Variants in C10orf90 observed in about 807,000 individuals in gnomAD.
C10orf90 encodes the protein chromosome 10 open reading frame 90.
A neutral mutation model predicts 62.5 loss-of-function variants in C10orf90; 56 were observed. The observed-to-expected ratio is 0.90, with a 90% CI of 0.72 to 1.12. C10orf90 has a LOEUF of 1.12. Ranked by LOEUF, C10orf90 falls within the 50% of genes most tolerant of loss-of-function variation. The pLI is 0.00. For missense variants in C10orf90, 970 were observed against 880.4 expected, an observed-to-expected ratio of 1.10 and a Z score of -1.29; for synonymous variants, 386 against 340.4, an observed-to-expected ratio of 1.13 and a Z score of -1.47.
Position 126,564,830 on chromosome 10 carries a change from C to CTA in C10orf90, c.314-50892_314-50891insTA, listed in dbSNP as rs1336850802. ...CAAGTTTAGGAATAAGACTCTCTCT[C>CTA]TCTATATATATATTATATATTATAT... On this transcript the variant is annotated intron_variant, in intron 2 of 9. Coordinates refer to ENST00000488181, the MANE Select transcript of C10orf90 (RefSeq NM_001350921.2). Among the ~76,000 whole-genome samples the CTA allele has an allele frequency of 1.4e-3, 8 of 5,544 alleles. 1 individual carries two copies. Among genetic ancestry groups the CTA allele is most frequent in the African/African-American group, 2.9e-3 (7 of 2,378 alleles). 3.6% of individuals were successfully genotyped at this position (5,544 alleles called of 152,430 possible).
intron 4 of C10orf90, 83 bp downstream of exon 4, chr10:126,503,874 T>A: frequency 6.7e-7 from 1 of 1,494,038 alleles, no homozygotes; most frequent in South Asian, 1.3e-5. Context: ...TTAGAATAAG[T>A]TTTGTATAAG....
intron 7 of C10orf90, among the ~76,000 whole-genome samples, chr10:126,444,017 C>T (rs542235255): frequency 7.2e-5 from 11 of 152,110 alleles, no homozygotes; most frequent in South Asian, 4.1e-4. Context: ...ATACAAGGGA[C>T]ATAACTCAAT....
chr10:126,510,790 A>G (rs1348848178), intron 3 of C10orf90, among the ~76,000 whole-genome samples: 3 of 152,198 alleles, frequency 2.0e-5, no homozygotes, highest in Admixed American at 6.5e-5. Flanking sequence ...CTTTATATTT[A>G]TGCCTTGAGG....
In C10orf90 at chr10:126,541,306, A is replaced by G. The variant is rs575254173; in HGVS notation, c.314-27367T>C. 5.9e-5 allele frequency among the ~76,000 whole-genome samples: 9 copies of G among 152,332 alleles called. No individual in the cohort carries two copies. The South Asian group carries it at 1.9e-3, about 32-fold the overall frequency. ...GGATAATATATACTAAAAAGATGCT[A>G]GAGCTCTTTAGCAATTGGATAAATA... On this transcript the variant is annotated intron_variant, in intron 2 of 9. Transcript: ENST00000488181.
In C10orf90 at chr10:126,655,087, G is replaced by C. The variant is rs1446513981; in HGVS notation, c.241-8450C>G. Among the ~76,000 whole-genome samples, 5 of 152,168 alleles carry C rather than the reference G, an allele frequency of 3.3e-5. No homozygotes were observed. The East Asian group carries it at 9.6e-4, about 29-fold the overall frequency. ...TGTAATCCCAGCACTTTGGGAGACT[G>C]AGGCAGGTGGATCATGAGGTCAGGA... On this transcript the variant is annotated intron_variant, in intron 1 of 9. Coordinates refer to ENST00000488181, the MANE Select transcript of C10orf90 (RefSeq NM_001350921.2).
intron 2 of C10orf90, among the ~76,000 whole-genome samples, chr10:126,588,725 G>A (rs1223675367): frequency 2.6e-5 from 4 of 152,164 alleles, no homozygotes; most frequent in African/African-American, 4.8e-5. Context: ...AAGATGAAAG[G>A]TATGTAAGCC....
At chr10:126,455,003 C>T (rs576241650) in intron 7 of C10orf90, among the ~76,000 whole-genome samples, 1 of 152,122 alleles carries the variant, frequency 6.6e-6, no homozygotes, top group African/African-American at 2.4e-5. Context: ...TGGGTGTCAG[C>T]CTCCCTCTTC....
At chr10:126,527,855 T>C (rs1429618674) in intron 2 of C10orf90, among the ~76,000 whole-genome samples, 1 of 152,198 alleles carries the variant, frequency 6.6e-6, no homozygotes, top group Non-Finnish European at 1.5e-5. Flanking sequence ...GGGCCAGGCA[T>C]TGGTCCAGGT....
intron 7 of C10orf90, among the ~76,000 whole-genome samples, chr10:126,454,631 C>T (rs1385575167): frequency 1.3e-5 from 2 of 151,504 alleles, no homozygotes; most frequent in African/African-American, 2.4e-5. Flanking sequence ...GGGGACTATA[C>T]CCCCTAATAC....
At chr10:126,515,706 A>G (rs1033719738) in intron 2 of C10orf90, among the ~76,000 whole-genome samples, 33 of 152,186 alleles carry the variant, frequency 2.2e-4, no homozygotes, top group Non-Finnish European at 3.4e-4. Flanking sequence ...TATGAGGAAA[A>G]TAATGTGCTC....
At chr10:126,503,446 G>A (rs745763009) in intron 4 of C10orf90, among the ~76,000 whole-genome samples, 6 of 152,158 alleles carry the variant, frequency 3.9e-5, no homozygotes, top group South Asian at 2.1e-4. Context: ...ACGCACACAC[G>A]CACACATTCA....
At chr10:126,428,769 A>AT (rs1857403042) in intron 8 of C10orf90, among the ~76,000 whole-genome samples, 1 of 152,202 alleles carries the variant, frequency 6.6e-6, no homozygotes, top group Non-Finnish European at 1.5e-5. Flanking sequence ...TGGTTCTGGC[A>AT]TGAGGTATAT....
chr10:126,451,153 C>T (rs185921189), intron 7 of C10orf90, among the ~76,000 whole-genome samples: 21 of 152,200 alleles, frequency 1.4e-4, no homozygotes, highest in Middle Eastern at 3.4e-3. Context: ...CACCTCACAC[C>T]GGTTAGTATG....
At chr10:126,464,151 G>A (rs1424377754) in intron 5 of C10orf90, among the ~76,000 whole-genome samples, 3 of 152,150 alleles carry the variant, frequency 2.0e-5, no homozygotes, top group Non-Finnish European at 4.4e-5. Context: ...GTAGTGGTCA[G>A]CAACTTGATC....
At chr10:126,512,351 TG>T in intron 3 of C10orf90, among the ~76,000 whole-genome samples, 1 of 9,164 alleles carries the variant, frequency 1.1e-4, no homozygotes, top group Non-Finnish European at 2.1e-4. Flanking sequence ...TGTGTGTGTC[TG>T]TGTGTGTGTG....
intron 2 of C10orf90, among the ~76,000 whole-genome samples, chr10:126,522,351 C>G (rs7099978): frequency 0.89 from 135,087 of 152,272 alleles, 60,102 homozygotes; most frequent in African/African-American, 0.96. Context: ...ACTGCTGAAG[C>G]AAAAGGGGAA....
chr10:126,434,221 G>A (rs1353835914), intron 7 of C10orf90, among the ~76,000 whole-genome samples: 1 of 152,078 alleles, frequency 6.6e-6, no homozygotes, highest in Non-Finnish European at 1.5e-5. Context: ...AACACATGTG[G>A]GTGTTTATTG....
intron 4 of C10orf90, among the ~76,000 whole-genome samples, chr10:126,501,061 A>AACC (rs1469401156): frequency 2.0e-5 from 3 of 152,236 alleles, no homozygotes; most frequent in Non-Finnish European, 4.4e-5. Flanking sequence ...TAGCATGTGT[A>AACC]ACCACAGGAG....
intron 2 of C10orf90, among the ~76,000 whole-genome samples, chr10:126,560,263 C>T (rs552441159): frequency 3.3e-4 from 51 of 152,248 alleles, no homozygotes; most frequent in Non-Finnish European, 6.5e-4. Flanking sequence ...ACCAGTGATC[C>T]GAGTCTTCAT....
Sources: gnomAD v4.1 joint callset for allele counts (sites outside exome capture counted in the v4.1 genomes callset) on GRCh38, gnomAD v4.1.1 for gene constraint, MANE v1.5 for transcripts, NCBI Gene and HGNC (gene_info 2026-07-23, HGNC 2026-07-21) for gene names.